The following RSF1 variants were observed in gnomAD, a reference collection of about 807,000 sequenced individuals.
RSF1 encodes HBV pX-associated protein 8.
In RSF1, 13 loss-of-function variants were observed where a neutral mutation model predicts 145.2. The ratio of observed to expected loss-of-function variants is 0.09; its 90% confidence interval spans 0.06 to 0.14. RSF1 has a LOEUF of 0.14. Ranked by LOEUF, RSF1 falls within the 10% of genes least tolerant of loss-of-function variation. The pLI, the probability that RSF1 is intolerant of heterozygous loss-of-function variation, is 1.00. For synonymous variants in RSF1, 577 were observed against 592.6 expected (o/e 0.97, Z 0.38); for missense variants, 1,517 against 1,718.2 (o/e 0.88, Z 2.07).
At chr11:77,832,951 ATGTGTGTGTGTGTGTG>A in the RSF1 span, among the ~76,000 whole-genome samples, 8,383 of 67,762 alleles carry the variant, frequency 0.12, 1,119 homozygotes, top group Non-Finnish European at 0.16. Flanking sequence ...GTATATATAT[ATGTGTGTGTGTGTGTG>A]TGTGTGTGTG....
intron 1 of RSF1, among the ~76,000 whole-genome samples, chr11:77,795,869 C>T (rs538074314): frequency 1.3e-5 from 2 of 152,224 alleles, no homozygotes; most frequent in African/African-American, 4.8e-5. Flanking sequence ...GGTTAGCAGG[C>T]TATTAATCAC....
At chr11:77,733,222 T>C (rs931391133) in intron 4 of RSF1, among the ~76,000 whole-genome samples, 6 of 152,202 alleles carry the variant, frequency 3.9e-5, no homozygotes, top group African/African-American at 1.4e-4. Flanking sequence ...TTGTTAACAT[T>C]TGGTGCTGTA....
upstream of RSF1, among the ~76,000 whole-genome samples, chr11:77,825,237 C>T (rs956252893): frequency 6.6e-6 from 1 of 151,960 alleles, no homozygotes; most frequent in Non-Finnish European, 1.5e-5. Context: ...TCACCTCAGC[C>T]TCCCAAAGTG....
At chr11:77,778,189 T>TGGGGAGGGGAGTGAAG (rs1326104652) in intron 1 of RSF1, among the ~76,000 whole-genome samples, 5 of 3,590 alleles carry the variant, frequency 1.4e-3, no homozygotes, top group African/African-American at 3.1e-3. Flanking sequence ...AGGGGAGGGG[T>TGGGGAGGGGAGTGAAG]GGGGGAGGGA....
chr11:77,854,281 C>T, the RSF1 span, among the ~76,000 whole-genome samples: 1 of 152,100 alleles, frequency 6.6e-6, no homozygotes, highest in Non-Finnish European at 1.5e-5. Context: ...CGTGAGCCAC[C>T]GTGCCCGGCT....
At chr11:77,737,371 C>G (rs1025661531) in intron 4 of RSF1, among the ~76,000 whole-genome samples, 2 of 151,630 alleles carry the variant, frequency 1.3e-5, no homozygotes, top group South Asian at 4.2e-4. Flanking sequence ...CGGCTTGAAC[C>G]CGGGAGGCAG....
At chr11:77,753,344 G>T (rs1006209905) in intron 2 of RSF1, among the ~76,000 whole-genome samples, 10 of 152,104 alleles carry the variant, frequency 6.6e-5, no homozygotes, top group African/African-American at 1.7e-4. Context: ...CCTTTAATCT[G>T]CCCTTAATTA....
At chr11:77,755,026 T>C (rs1004380281) in intron 2 of RSF1, among the ~76,000 whole-genome samples, 1 of 152,142 alleles carries the variant, frequency 6.6e-6, no homozygotes, top group Non-Finnish European at 1.5e-5. Flanking sequence ...TGGCAAAAGA[T>C]ATGGTAAAAT....
upstream of RSF1, among the ~76,000 whole-genome samples, chr11:77,825,252 G>C (rs1046824493): frequency 6.6e-6 from 1 of 151,924 alleles, no homozygotes; most frequent in Non-Finnish European, 1.5e-5. Flanking sequence ...AAAGTGCTGG[G>C]ATTACAGGCA....
At chr11:77,720,126 C>T (rs1960909419) in intron 5 of RSF1, among the ~76,000 whole-genome samples, 1 of 152,110 alleles carries the variant, frequency 6.6e-6, no homozygotes, top group East Asian at 1.9e-4. Context: ...TTTTTAAAAA[C>T]AAAGCAGCAC....
At chr11:77,850,120 T>A in the RSF1 span, among the ~76,000 whole-genome samples, 1 of 152,362 alleles carries the variant, frequency 6.6e-6, no homozygotes, top group African/African-American at 2.4e-5. Context: ...TTTATCCTTT[T>A]TAACATTCCC....
At chr11:77,695,033 C>T (rs1361497711) in intron 7 of RSF1, among the ~76,000 whole-genome samples, 3 of 152,134 alleles carry the variant, frequency 2.0e-5, no homozygotes, top group African/African-American at 7.2e-5. Context: ...CTGTTATTAA[C>T]TTTGGTCACT....
At chr11:77,772,661 A>T (rs565667410) in intron 1 of RSF1, among the ~76,000 whole-genome samples, 62 of 152,262 alleles carry the variant, frequency 4.1e-4, no homozygotes, top group African/African-American at 1.4e-3. Flanking sequence ...GAGATGATCC[A>T]AAGTCCTCCA....
At chr11:77,833,628 G>T in the RSF1 span, among the ~76,000 whole-genome samples, 2 of 152,146 alleles carry the variant, frequency 1.3e-5, no homozygotes, top group African/African-American at 4.8e-5. Flanking sequence ...AGGGGTTGGG[G>T]ACTCCTGCTC....
intron 4 of RSF1, among the ~76,000 whole-genome samples, chr11:77,730,752 G>A (rs1428657003): frequency 6.6e-6 from 1 of 152,136 alleles, no homozygotes; most frequent in African/African-American, 2.4e-5. Context: ...GAGATCTGAT[G>A]GTTTTGAAAA....
At chr11:77,670,161 G>C (rs759255060) in intron 15 of RSF1, among the ~76,000 whole-genome samples, 1 of 152,112 alleles carries the variant, frequency 6.6e-6, no homozygotes, top group African/African-American at 2.4e-5. Context: ...ATGTAAGCAG[G>C]TGGGCTCTCG....
intron 1 of RSF1, among the ~76,000 whole-genome samples, chr11:77,765,441 T>C (rs1451656427): frequency 6.6e-6 from 1 of 152,212 alleles, no homozygotes; most frequent in Non-Finnish European, 1.5e-5. Context: ...TTACCTTCCA[T>C]AGCACTTAGT....
chr11:77,691,366 A>C, intron 8 of RSF1, 128 bp from the exon 9 acceptor site: 1 of 706,986 alleles, frequency 1.4e-6, no homozygotes. Context: ...TGAACAATGA[A>C]GCTTTTCTTG....
intron 5 of RSF1, among the ~76,000 whole-genome samples, chr11:77,707,101 T>G (rs532971632): frequency 6.6e-6 from 1 of 152,322 alleles, no homozygotes; most frequent in Non-Finnish European, 1.5e-5. Context: ...TTATAGAGAC[T>G]TCTATAGCAG....
Sources: gnomAD v4.1 joint callset for allele counts (sites outside exome capture counted in the v4.1 genomes callset) on GRCh38, gnomAD v4.1.1 for gene constraint, MANE v1.5 for transcripts, NCBI Gene and HGNC (gene_info 2026-07-23, HGNC 2026-07-21) for gene names.